Variants in PKD2L2 observed in about 807,000 individuals in gnomAD.
PKD2L2 encodes polycystin-2-like protein 2.
A neutral mutation model predicts 83.9 loss-of-function variants in PKD2L2; 67 were observed. The ratio of observed to expected loss-of-function variants is 0.80; its 90% CI spans 0.66 to 0.98. PKD2L2 has a LOEUF of 0.98. Ranked by LOEUF, PKD2L2 falls within the 50% of genes least tolerant of loss-of-function variation. PKD2L2 has a pLI of 0.00. For missense variants in PKD2L2, 632 were observed against 717.2 expected (o/e 0.88, Z 1.36); for synonymous variants, 223 against 237.8 (o/e 0.94, Z 0.57).
chr5:137,933,050 C>CA (rs34015851), intron 12 of PKD2L2, among the ~76,000 whole-genome samples: 48,772 of 122,550 alleles, frequency 0.4, 9,578 homozygotes, highest in African/African-American at 0.52. Context: ...CAAAACAAAC[C>CA]AAAAAAAAAA....
intron 12 of PKD2L2, among the ~76,000 whole-genome samples, chr5:137,927,543 G>A (rs535998192): frequency 1.3e-5 from 2 of 152,302 alleles, no homozygotes; most frequent in South Asian, 4.1e-4. Flanking sequence ...ACTTGAAAGA[G>A]AAACAGAGGA....
At chr5:137,896,061 C>T (rs968853501) in intron 4 of PKD2L2, among the ~76,000 whole-genome samples, 1 of 151,736 alleles carries the variant, frequency 6.6e-6, no homozygotes, top group Admixed American at 6.6e-5. Flanking sequence ...CCTGTAATCC[C>T]AGCTACTTGG....
chr5:137,919,551 G>A (rs1242495330), intron 8 of PKD2L2, among the ~76,000 whole-genome samples: 1 of 149,978 alleles, frequency 6.7e-6, no homozygotes, highest in Non-Finnish European at 1.5e-5. Context: ...GAAAGATCAT[G>A]GCAGAAACAC....
intron 12 of PKD2L2, among the ~76,000 whole-genome samples, chr5:137,929,137 A>G (rs552231714): frequency 6.2e-4 from 95 of 152,294 alleles, no homozygotes; most frequent in African/African-American, 1.3e-3. Flanking sequence ...GAAACAAAGC[A>G]AGAAAGGGAG....
chr5:137,909,479 C>T (rs1383107478), intron 8 of PKD2L2, among the ~76,000 whole-genome samples: 1 of 150,634 alleles, frequency 6.6e-6, no homozygotes, highest in African/African-American at 2.4e-5. Context: ...ATAATTTTAC[C>T]TAAGATAATA....
At chr5:137,929,559 A>AACAAAAAAAAAAAAAAAAAC (rs1580989753) in intron 12 of PKD2L2, among the ~76,000 whole-genome samples, 1 of 147,752 alleles carries the variant, frequency 6.8e-6, no homozygotes, top group Non-Finnish European at 1.5e-5. Context: ...AAAAAAAAAA[A>AACAAAAAAAAAAAAAAAAAC]CAGACCACAC....
At chr5:137,903,599 G>C (rs551165335) in intron 5 of PKD2L2, among the ~76,000 whole-genome samples, 1 of 152,120 alleles carries the variant, frequency 6.6e-6, no homozygotes, top group Non-Finnish European at 1.5e-5. Flanking sequence ...ATAGCTCTTT[G>C]TAGCTGCAGA....
chr5:137,925,793 C>T (rs1291539767), intron 11 of PKD2L2, 82 bp from the exon 12 acceptor site: 2 of 756,094 alleles, frequency 2.6e-6, no homozygotes, highest in Non-Finnish European at 4.5e-6. Flanking sequence ...CAGATCCTTA[C>T]TACAGATCCG....
intron 14 of PKD2L2, chr5:137,940,164 CA>C (rs1162241282): frequency 6.2e-7 from 1 of 1,613,122 alleles, no homozygotes; most frequent in Non-Finnish European, 8.5e-7. Context: ...GCCAAGTACA[CA>C]CGATGATAGC....
At chr5:137,909,323 TG>T (rs1439814972) in intron 8 of PKD2L2, among the ~76,000 whole-genome samples, 1 of 151,920 alleles carries the variant, frequency 6.6e-6, no homozygotes, top group Non-Finnish European at 1.5e-5. Flanking sequence ...GCCACCAGCC[TG>T]GCTGATATTT....
intron 5 of PKD2L2, among the ~76,000 whole-genome samples, chr5:137,903,909 A>G (rs1580912431): frequency 6.6e-6 from 1 of 152,058 alleles, no homozygotes; most frequent in Non-Finnish European, 1.5e-5. Flanking sequence ...GGCATGTACC[A>G]CCACACCCAG....
At chr5:137,931,109 T>G (rs1375326146) in intron 12 of PKD2L2, among the ~76,000 whole-genome samples, 1 of 152,138 alleles carries the variant, frequency 6.6e-6, no homozygotes, top group Non-Finnish European at 1.5e-5. Context: ...AAAAACTGAA[T>G]GAAATGGGCA....
intron 9 of PKD2L2, 98 bp downstream of exon 9, chr5:137,921,854 GTACTT>G (rs1306417781): frequency 6.4e-5 from 59 of 926,594 alleles, no homozygotes; most frequent in Admixed American, 8.8e-5. Context: ...AGCTGTCAGA[GTACTT>G]TACATTTATT....
chr5:137,910,231 C>CAATAATAATAAT (rs67797320), intron 8 of PKD2L2, among the ~76,000 whole-genome samples: 42 of 138,924 alleles, frequency 3.0e-4, no homozygotes, highest in East Asian at 1.1e-3. Context: ...ATCTCTAAAA[C>CAATAATAATAAT]AATAATAATA....
chr5:137,933,045 C>CA (rs1366217252), intron 12 of PKD2L2, among the ~76,000 whole-genome samples: 3 of 77,238 alleles, frequency 3.9e-5, no homozygotes, highest in African/African-American at 1.8e-4. Flanking sequence ...AAAAACAAAA[C>CA]AAACCAAAAA....
chr5:137,921,994 T>C (rs1758948428), intron 9 of PKD2L2, among the ~76,000 whole-genome samples: 1 of 152,174 alleles, frequency 6.6e-6, no homozygotes, highest in African/African-American at 2.4e-5. Flanking sequence ...ATCCTTCACA[T>C]AAATAATTGG....
At chr5:137,922,365 C>T (rs756101967) in intron 9 of PKD2L2, among the ~76,000 whole-genome samples, 26 of 152,200 alleles carry the variant, frequency 1.7e-4, no homozygotes, top group Non-Finnish European at 2.9e-4. Flanking sequence ...TTTGTGTTAT[C>T]TGGACATTAG....
chr5:137,897,232 T>C (rs1051736706), intron 4 of PKD2L2, among the ~76,000 whole-genome samples: 1 of 151,670 alleles, frequency 6.6e-6, no homozygotes, highest in Non-Finnish European at 1.5e-5. Context: ...AATTTTTGTG[T>C]TTTCTGCAGA....
intron 5 of PKD2L2, among the ~76,000 whole-genome samples, chr5:137,902,114 GA>G (rs1303044896): frequency 2.6e-5 from 4 of 152,058 alleles, no homozygotes; most frequent in Non-Finnish European, 5.9e-5. Context: ...CAGATAACGA[GA>G]AGGAAAACAT....
Sources: gnomAD v4.1 joint callset for allele counts (sites outside exome capture counted in the v4.1 genomes callset) on GRCh38, gnomAD v4.1.1 for gene constraint, MANE v1.5 for transcripts, NCBI Gene and HGNC (gene_info 2026-07-23, HGNC 2026-07-21) for gene names.